The following AUTS2 variants were observed in gnomAD, a reference collection of about 807,000 sequenced individuals.
The protein encoded by AUTS2 is activator of transcription and developmental regulator AUTS2.
Under a neutral mutation model 112.4 loss-of-function variants are expected in AUTS2, and 17 were observed. The ratio of observed to expected loss-of-function variants is 0.15; its 90% CI spans 0.10 to 0.23. The LOEUF (loss-of-function observed/expected upper bound fraction) is 0.23. AUTS2 is among the 10% of genes least tolerant of loss of function. The pLI is 1.00. For missense variants in AUTS2, 1,510 were observed against 1,701.6 expected (o/e 0.89, Z 1.98); for synonymous variants, 751 against 702.7 (o/e 1.07, Z -1.09).
intron 6 of AUTS2, among the ~76,000 whole-genome samples, chr7:70,704,148 C>G (rs539605003): frequency 6.6e-6 from 1 of 152,192 alleles, no homozygotes; most frequent in South Asian, 2.1e-4. Context: ...AAGTGTCTCC[C>G]GAAAATTTTC....
At chr7:70,129,767 A>C (rs1451115274) in intron 3 of AUTS2, among the ~76,000 whole-genome samples, 1 of 152,194 alleles carries the variant, frequency 6.6e-6, no homozygotes, top group African/African-American at 2.4e-5. Context: ...GCATAACAGA[A>C]GGTTGAATAA....
chr7:69,813,166 C>T (rs1790618445), intron 1 of AUTS2, among the ~76,000 whole-genome samples: 2 of 152,114 alleles, frequency 1.3e-5, no homozygotes, highest in South Asian at 4.1e-4. Context: ...GTTCTTGAAC[C>T]TGGTCAAGCA....
At chr7:70,111,126 G>A (rs944468516) in intron 2 of AUTS2, among the ~76,000 whole-genome samples, 5 of 151,620 alleles carry the variant, frequency 3.3e-5, no homozygotes, top group Non-Finnish European at 4.4e-5. Flanking sequence ...TGATCCGCCC[G>A]CCTCGGCCTC....
At chr7:69,958,156 A>C (rs976979822) in intron 2 of AUTS2, among the ~76,000 whole-genome samples, 1 of 152,116 alleles carries the variant, frequency 6.6e-6, no homozygotes, top group East Asian at 1.9e-4. Context: ...GGAGTTGGCA[A>C]ACTATAGCCC....
chr7:70,346,313 G>A (rs2129621461), intron 4 of AUTS2, among the ~76,000 whole-genome samples: 1 of 152,200 alleles, frequency 6.6e-6, no homozygotes, highest in Non-Finnish European at 1.5e-5. Flanking sequence ...TTTTATAACT[G>A]ATGATACATA....
intron 2 of AUTS2, among the ~76,000 whole-genome samples, chr7:70,115,787 G>T (rs760713570): frequency 6.6e-6 from 1 of 152,106 alleles, no homozygotes; most frequent in Admixed American, 6.5e-5. Flanking sequence ...ATAACAATAG[G>T]CTTTTTGAGC....
intron 4 of AUTS2, among the ~76,000 whole-genome samples, chr7:70,384,038 A>G (rs762165035): frequency 7.2e-5 from 11 of 152,370 alleles, no homozygotes; most frequent in South Asian, 6.2e-4. Flanking sequence ...GAAAAGAAAG[A>G]AAGAAAGAAA....
At chr7:70,755,147 G>T (rs1789114787) in intron 6 of AUTS2, among the ~76,000 whole-genome samples, 1 of 152,182 alleles carries the variant, frequency 6.6e-6, no homozygotes. Context: ...TCTGATGTGT[G>T]CCTGTAGTCC....
chr7:70,324,961 C>G (rs973728207), intron 4 of AUTS2, among the ~76,000 whole-genome samples: 1 of 152,198 alleles, frequency 6.6e-6, no homozygotes, highest in African/African-American at 2.4e-5. Context: ...CTGGCTTACC[C>G]TCTCATTTTC....
rs546045905 is a variant in AUTS2 at position 70,609,256 on chromosome 7, T to G, written c.691-89313T>G. ...CCCCTGGTAACCACCATTCGACTTT[T>G]TGCTTCTATAGCTCAACTTTTTTAG... On this transcript the variant is annotated intron_variant, in intron 5 of 18. Transcript: ENST00000342771. Among the ~76,000 whole-genome samples, 3 of 152,284 alleles carry G rather than the reference T, an allele frequency of 2.0e-5. No individual in the cohort carries two copies. In the South Asian group the frequency reaches 6.2e-4, roughly 32 times the overall value.
chr7:69,683,204 C>T (rs929992985), intron 1 of AUTS2, among the ~76,000 whole-genome samples: 7 of 152,180 alleles, frequency 4.6e-5, no homozygotes, highest in African/African-American at 1.7e-4. Context: ...CCCTCCTATC[C>T]TAGTCTTTTA....
At chr7:69,902,736 C>A (rs765839533) in intron 2 of AUTS2, among the ~76,000 whole-genome samples, 15 of 152,110 alleles carry the variant, frequency 9.9e-5, no homozygotes, top group South Asian at 2.1e-4. Flanking sequence ...GTTCTAAAAC[C>A]AAACTGCTTA....
chr7:70,268,782 G>GTT (rs1230098989), intron 4 of AUTS2, among the ~76,000 whole-genome samples: 1 of 152,010 alleles, frequency 6.6e-6, no homozygotes, highest in Non-Finnish European at 1.5e-5. Context: ...GGGACTAGTT[G>GTT]TTTTTTTAAA....
intron 6 of AUTS2, among the ~76,000 whole-genome samples, chr7:70,737,217 G>T (rs1339827289): frequency 6.6e-6 from 1 of 152,216 alleles, no homozygotes; most frequent in African/African-American, 2.4e-5. Context: ...TCCCAGGTGG[G>T]CTGGAGTGTT....
At chr7:70,310,011 A>T (rs915309664) in intron 4 of AUTS2, among the ~76,000 whole-genome samples, 3 of 152,226 alleles carry the variant, frequency 2.0e-5, no homozygotes, top group Non-Finnish European at 4.4e-5. Flanking sequence ...TTTTCACTGG[A>T]ATAATGGCTC....
At chr7:70,670,094 C>T (rs748144459) in intron 5 of AUTS2, among the ~76,000 whole-genome samples, 7 of 152,226 alleles carry the variant, frequency 4.6e-5, no homozygotes, top group East Asian at 1.9e-4. Flanking sequence ...CTACGCTACA[C>T]GCTGCCTGGT....
chr7:70,531,388 T>G (rs1245916995), intron 5 of AUTS2, among the ~76,000 whole-genome samples: 1 of 152,182 alleles, frequency 6.6e-6, no homozygotes, highest in Non-Finnish European at 1.5e-5. Flanking sequence ...CCATTTTATG[T>G]TGCTCTAAAG....
chr7:69,782,006 G>A lies in AUTS2; in HGVS notation c.310-117280G>A, dbSNP rs1042762381. ...CAGAATAACCCGAGGGAACTTGAAA[G>A]TACAGATTCCCGGATGCTATCTCCT... On this transcript the variant is annotated intron_variant, in intron 1 of 18. Transcript: ENST00000342771. 1.0e-3 allele frequency among the ~76,000 whole-genome samples: 156 copies of A among 152,330 alleles called. 1 individual carries two copies. The highest frequency in any genetic ancestry group is 1.2e-3 in the South Asian group (6 of 4,828).
chr7:69,759,875 G>A, intron 1 of AUTS2, among the ~76,000 whole-genome samples: 1 of 143,862 alleles, frequency 7.0e-6, no homozygotes, highest in Non-Finnish European at 1.5e-5. Flanking sequence ...TGGCCATAAA[G>A]GTTCAGTTTT....
Sources: gnomAD v4.1 joint callset for allele counts (sites outside exome capture counted in the v4.1 genomes callset) on GRCh38, gnomAD v4.1.1 for gene constraint, MANE v1.5 for transcripts, NCBI Gene and HGNC (gene_info 2026-07-23, HGNC 2026-07-21) for gene names.